Variants in ADGRL2 observed in about 807,000 individuals in gnomAD.
The protein encoded by ADGRL2 is adhesion G protein-coupled receptor L2, also known as calcium-independent alpha-latrotoxin receptor 2.
A neutral mutation model predicts 157.4 loss-of-function variants in ADGRL2; 44 were observed. The observed-to-expected ratio is 0.28, with a 90% CI of 0.22 to 0.36. ADGRL2 has a LOEUF of 0.36. Ranked by LOEUF, ADGRL2 falls within the 10% of genes least tolerant of loss-of-function variation. ADGRL2 has a pLI of 1.00. For missense variants in ADGRL2, 1,510 were observed against 1,768.9 expected (o/e 0.85, Z 2.63); for synonymous variants, 585 against 624.7 (o/e 0.94, Z 0.95).
At chr1:81,721,518 G>A (rs1248984169) in intron 1 of ADGRL2, among the ~76,000 whole-genome samples, 1 of 152,150 alleles carries the variant, frequency 6.6e-6, no homozygotes, top group Non-Finnish European at 1.5e-5. Flanking sequence ...CAATTTGGGA[G>A]GCTGAGATGG....
At chr1:81,884,554 A>C (rs1460197679) in intron 2 of ADGRL2, among the ~76,000 whole-genome samples, 1 of 152,190 alleles carries the variant, frequency 6.6e-6, no homozygotes, top group Non-Finnish European at 1.5e-5. Flanking sequence ...TTTCTGACTA[A>C]ACATATATTG....
intron 2 of ADGRL2, among the ~76,000 whole-genome samples, chr1:81,530,651 G>A (rs1359846770): frequency 6.6e-6 from 1 of 151,992 alleles, no homozygotes; most frequent in Non-Finnish European, 1.5e-5. Context: ...GCCTGGCCTT[G>A]ATCTTCATCA....
intron 3 of ADGRL2, among the ~76,000 whole-genome samples, chr1:81,918,800 A>G (rs928676798): frequency 6.6e-6 from 1 of 152,182 alleles, no homozygotes; most frequent in Non-Finnish European, 1.5e-5. Context: ...TTAGAAAGGA[A>G]TATCAGGCAA....
intron 2 of ADGRL2, among the ~76,000 whole-genome samples, chr1:81,881,891 A>G (rs2093997473): frequency 6.6e-6 from 1 of 152,180 alleles, no homozygotes; most frequent in South Asian, 2.1e-4. Flanking sequence ...TGCTCAGTGA[A>G]TACTAGATTG....
chr1:81,871,542 G>A (rs1005442100), intron 2 of ADGRL2, among the ~76,000 whole-genome samples: 2 of 152,112 alleles, frequency 1.3e-5, no homozygotes, highest in East Asian at 3.9e-4. Flanking sequence ...CTAGTTTACA[G>A]TCCCACCAGC....
Position 81,614,712 on chromosome 1 carries a change from A to C in ADGRL2, c.-143+33732A>C, listed in dbSNP as rs374662377. On this transcript the variant is annotated intron_variant, in intron 3 of 24. Coordinates refer to the ADGRL2 transcript ENST00000370721. ...TAACAAAAAGGAAGAGGTTGTCACC[A>C]CTGCAGGAGCAACTCTAAAAACAGA... Among the ~76,000 whole-genome samples, 62 of 152,214 alleles carry C rather than the reference A, an allele frequency of 4.1e-4. 1 individual carries two copies. The South Asian group carries it at 0.012, about 31-fold the overall frequency.
chr1:81,483,012 T>A (rs1268170501), intron 2 of ADGRL2, among the ~76,000 whole-genome samples: 1 of 152,044 alleles, frequency 6.6e-6, no homozygotes, highest in Non-Finnish European at 1.5e-5. Context: ...ATGGAGCTAT[T>A]TTTTTATTTA....
intron 1 of ADGRL2, among the ~76,000 whole-genome samples, chr1:81,363,309 C>T (rs1369619612): frequency 1.3e-5 from 2 of 152,016 alleles, no homozygotes; most frequent in Non-Finnish European, 2.9e-5. Context: ...GAAAGGGTAA[C>T]TTAGTCATTA....
chr1:81,946,235 A>G (rs936430507), intron 6 of ADGRL2, among the ~76,000 whole-genome samples: 2 of 151,578 alleles, frequency 1.3e-5, no homozygotes, highest in African/African-American at 4.8e-5. Context: ...GTCATTTTTC[A>G]TTGTGGACTG....
intron 2 of ADGRL2, among the ~76,000 whole-genome samples, chr1:81,764,565 T>C (rs2086042938): frequency 6.6e-6 from 1 of 152,108 alleles, no homozygotes; most frequent in South Asian, 2.1e-4. Flanking sequence ...GAATTGTTTC[T>C]CTAATTATGT....
intron 2 of ADGRL2, among the ~76,000 whole-genome samples, chr1:81,785,325 T>C (rs1293003013): frequency 6.6e-6 from 1 of 152,136 alleles, no homozygotes; most frequent in Non-Finnish European, 1.5e-5. Context: ...TCAATGAGAC[T>C]ACTACAATGT....
chr1:81,494,707 T>C (rs1464283731), intron 2 of ADGRL2, among the ~76,000 whole-genome samples: 2 of 152,188 alleles, frequency 1.3e-5, no homozygotes, highest in African/African-American at 4.8e-5. Flanking sequence ...ACTTCTCTTT[T>C]ACAAATTCTC....
intron 1 of ADGRL2, among the ~76,000 whole-genome samples, chr1:81,332,149 AAAC>A (rs1661313926): frequency 6.6e-6 from 1 of 152,208 alleles, no homozygotes; most frequent in South Asian, 2.1e-4. Context: ...AGAAGAAAAA[AAAC>A]ATTTTTTGTC....
At chr1:81,820,946 C>A (rs530438746) in intron 1 of ADGRL2, among the ~76,000 whole-genome samples, 1 of 152,238 alleles carries the variant, frequency 6.6e-6, no homozygotes, top group Admixed American at 6.5e-5. Context: ...AGGATCCGCC[C>A]ATGTATTAAC....
upstream of ADGRL2, among the ~76,000 whole-genome samples, chr1:81,695,615 T>A (rs1250220588): frequency 6.6e-6 from 1 of 151,936 alleles, no homozygotes; most frequent in Non-Finnish European, 1.5e-5. Flanking sequence ...AGGTCAGGTG[T>A]TAAGAGACCA....
In ADGRL2 at chr1:81,473,332, C is replaced by T. The variant is rs1199203821; in HGVS notation, c.-248+28243C>T. Among the ~76,000 whole-genome samples, 4 of 152,032 alleles carry T rather than the reference C, an allele frequency of 2.6e-5. No individual in the cohort carries two copies. In the South Asian group the frequency reaches 8.3e-4, roughly 32 times the overall value. On this transcript the variant is annotated intron_variant, in intron 2 of 24. Coordinates refer to the ADGRL2 transcript ENST00000370721. Reference sequence around the variant, plus strand: ...TGTTCTGTATGGTAGGCCTTTGGCACAAGAGTCTATTGAGCACTTGAGATG... The same window carrying T: ...TGTTCTGTATGGTAGGCCTTTGGCATAAGAGTCTATTGAGCACTTGAGATG...
rs570950428 is a variant in ADGRL2 at position 81,591,665 on chromosome 1, G to A, written c.-143+10685G>A. On this transcript the variant is annotated intron_variant, in intron 3 of 24. Transcript: ENST00000370721. ...ACCAGCAGAATATGACAAAAGTGAC[G>A]GTACATCACTTCCATTATTAAGCTA... Among the ~76,000 whole-genome samples, 29 of 152,134 alleles carry A rather than the reference G, an allele frequency of 1.9e-4. 1 individual carries two copies. In the South Asian group the frequency reaches 3.7e-3, roughly 20 times the overall value.
intron 2 of ADGRL2, among the ~76,000 whole-genome samples, chr1:81,883,545 G>A (rs989678343): frequency 6.6e-6 from 1 of 152,090 alleles, no homozygotes; most frequent in Non-Finnish European, 1.5e-5. Flanking sequence ...AAAATGGGGG[G>A]AAAGATATTT....
intron 2 of ADGRL2, among the ~76,000 whole-genome samples, chr1:81,481,086 ATTG>A (rs1360567010): frequency 1.3e-5 from 2 of 152,188 alleles, no homozygotes; most frequent in African/African-American, 4.8e-5. Flanking sequence ...AACAATAAAA[ATTG>A]TTGTTCAGTG....
Sources: allele counts gnomAD v4.1 joint callset (sites outside exome capture counted in the v4.1 genomes callset), GRCh38; gene constraint gnomAD v4.1.1; transcripts MANE v1.5; gene names NCBI Gene and HGNC (gene_info 2026-07-23, HGNC 2026-07-21).